The following RPAP2 variants were observed in gnomAD, a reference collection of about 807,000 sequenced individuals.
RPAP2 encodes the protein putative RNA polymerase II subunit B1 CTD phosphatase RPAP2.
In RPAP2, 52 loss-of-function variants were observed where a neutral mutation model predicts 73.1. That is an observed-to-expected ratio of 0.71 (90% CI 0.57 to 0.90). The LOEUF is 0.90. Ranked by LOEUF, RPAP2 falls within the 40% of genes least tolerant of loss-of-function variation. The probability of loss-of-function intolerance (pLI) is 0.00; values close to 1 mark genes in which losing one functional copy is unlikely to be tolerated. For missense variants in RPAP2, 598 were observed against 701.8 expected (o/e 0.85, Z 1.67); for synonymous variants, 225 against 242.1 (o/e 0.93, Z 0.65).
chr1:92,359,988 A>T (rs1283297177), intron 11 of RPAP2, among the ~76,000 whole-genome samples: 1 of 51,386 alleles, frequency 1.9e-5, no homozygotes, highest in African/African-American at 1.3e-4. Context: ...TGATTCTCAC[A>T]ATTCAGTCTG....
chr1:92,364,285 G>A (rs751946171), intron 11 of RPAP2, among the ~76,000 whole-genome samples: 1 of 152,130 alleles, frequency 6.6e-6, no homozygotes, highest in African/African-American at 2.4e-5. Flanking sequence ...ATCTCAGGGT[G>A]TAGGTTTTGC....
chr1:92,321,321 CA>C (rs1400862741), intron 7 of RPAP2, among the ~76,000 whole-genome samples: 4 of 152,104 alleles, frequency 2.6e-5, no homozygotes, highest in Non-Finnish European at 5.9e-5. Context: ...TTTGAGCTTA[CA>C]CCTATTTTTA....
At position 92,324,100 on chromosome 1, in the gene RPAP2, G is replaced by C; in HGVS notation, c.1180G>C (p.Val394Leu). 1 of 1,614,172 alleles carries C rather than the reference G, an allele frequency of 6.2e-7. No individual in the cohort carries two copies. Among genetic ancestry groups the C allele is most frequent in the Non-Finnish European group, 8.5e-7 (1 of 1,180,016 alleles). The change falls in exon 8 of 13, where the codon GTG becomes CTG. Residue 394 changes from valine (V) to leucine (L), a missense_variant. This residue lies in a region of RPAP2 where 506 missense variants were observed against 612.8 expected (regional missense o/e 0.83). Transcript: ENST00000610020. ...RFLYGQNYAS[V>L]CLKPEASLVK... ...TTTGTATGGCCAGAATTATGCTTCT[G>C]TGTGTCTGAAACCCGAAGCCTCTCT... is the stretch of plus-strand genomic sequence containing the variant.
rs1251872507 is a variant in RPAP2, at chr1:92,392,994, T to C, written c.*5983T>C. ...GGAAAAAACTACTTTAAGATTCATATGGAACCAAAAAAGAGCCCACCTAGC... is the reference window on the plus strand; with the variant it reads ...GGAAAAAACTACTTTAAGATTCATACGGAACCAAAAAAGAGCCCACCTAGC... On this transcript the variant is annotated 3_prime_UTR_variant, in exon 13 of 13. Transcript: ENST00000610020. 1 of 152,176 alleles carries C rather than the reference T, an allele frequency of 6.6e-6. No homozygotes were observed. Among genetic ancestry groups the C allele is most frequent in the African/African-American group, 2.4e-5 (1 of 41,432 alleles). 9.4% of individuals were successfully genotyped at this position (152,176 alleles called of 1,614,324 possible). A position where few individuals can be genotyped will look rare whatever the true frequency, so the allele number is the denominator to read the frequency against.
chr1:92,350,706 G>A (rs762580652), intron 11 of RPAP2, among the ~76,000 whole-genome samples: 7 of 152,196 alleles, frequency 4.6e-5, no homozygotes, highest in South Asian at 2.1e-4. Flanking sequence ...CTGGGAGGCC[G>A]AGGCAGGCGG....
rs1380514091 is a variant in RPAP2 at position 92,301,465 on chromosome 1, T to C, written c.120-11T>C. The C allele has an allele frequency of 1.4e-6, 2 of 1,479,248 alleles. No homozygotes were observed. The highest frequency in any genetic ancestry group is 1.9e-6 in the Non-Finnish European group (2 of 1,074,356). 91.6% of individuals were successfully genotyped at this position (1,479,248 alleles called of 1,614,324 possible). A position where few individuals can be genotyped will look rare whatever the true frequency, so the allele number is the denominator to read the frequency against. On this transcript the variant is annotated splice_polypyrimidine_tract_variant and intron_variant, in intron 2 of 12. Transcript: ENST00000610020. ...CTTTTAAGTAGATTAAGTTTCTCTT[T>C]CAAATTTTAGGAAAGCTGAACTAGA...
intron 11 of RPAP2, among the ~76,000 whole-genome samples, chr1:92,353,166 T>G (rs1015734325): frequency 6.6e-6 from 1 of 152,218 alleles, no homozygotes; most frequent in Admixed American, 6.5e-5. Context: ...TGTACAGATT[T>G]TTTTGTGTGA....
chr1:92,338,435 T>C (rs1270462599), intron 10 of RPAP2, among the ~76,000 whole-genome samples: 1 of 152,202 alleles, frequency 6.6e-6, no homozygotes, highest in Non-Finnish European at 1.5e-5. Flanking sequence ...AGATACACTG[T>C]CTTATACCTA....
chr1:92,310,018 C>T (rs1050728874), intron 6 of RPAP2, among the ~76,000 whole-genome samples: 1 of 152,124 alleles, frequency 6.6e-6, no homozygotes, highest in African/African-American at 2.4e-5. Context: ...TAATCCAACC[C>T]CTTCATTAAG....
chr1:92,323,492 C>G lies in RPAP2; in HGVS notation c.572C>G (p.Thr191Arg), dbSNP rs1213605203. The change falls in exon 8 of 13, where the codon ACA becomes AGA. Residue 191 changes from threonine to arginine, a missense_variant. Physicochemically the swap from Thr to Arg is moderately conservative, Grantham distance 71. Around this residue, in one of 3 missense-constraint regions of RPAP2, gnomAD observed 506 missense variants for 612.8 expected, o/e 0.83. Coordinates refer to ENST00000610020, the MANE Select transcript of RPAP2 (RefSeq NM_024813.3). The part of the protein sequence containing the change: ...EVQLCSKAIK[T>R]SDIDNPSHFE... ...CAGTTATGCAGTAAAGCCATTAAAA[C>G]ATCAGATATCGACAATCCTAGCCAC... is the stretch of plus-strand genomic sequence containing the variant. 1 of 1,613,082 alleles carries G rather than the reference C, an allele frequency of 6.2e-7. No individual in the cohort carries two copies. Among genetic ancestry groups the G allele is most frequent in the Non-Finnish European group, 8.5e-7 (1 of 1,179,478 alleles).
chr1:92,399,924 A>G lies in RPAP2; in HGVS notation c.*12913A>G, dbSNP rs1421155158. 1 of 152,188 alleles carries G rather than the reference A, an allele frequency of 6.6e-6. No homozygotes were observed. Among genetic ancestry groups the G allele is most frequent in the Non-Finnish European group, 1.5e-5 (1 of 68,036 alleles). The allele number at this position is 152,188 out of a possible 1,614,324, so 9.4% of individuals were successfully genotyped here. ...GGCATCCAGATAAGATTTTCTTCGT[A>G]CAAAGAGTCTTGCTACTAGGAAAAA... On this transcript the variant is annotated 3_prime_UTR_variant, in exon 13 of 13. Transcript: ENST00000610020.
chr1:92,337,236 A>G (rs1653330563), intron 10 of RPAP2, among the ~76,000 whole-genome samples: 2 of 152,170 alleles, frequency 1.3e-5, no homozygotes, highest in Non-Finnish European at 2.9e-5. Flanking sequence ...TGTCAACAAT[A>G]GCAGTCAGAT....
chr1:92,337,176 T>C (rs945390798), intron 10 of RPAP2, among the ~76,000 whole-genome samples: 6 of 152,062 alleles, frequency 3.9e-5, no homozygotes, highest in Non-Finnish European at 7.4e-5. Flanking sequence ...GTGGAAGAAT[T>C]AATTCATCCA....
In RPAP2 at chr1:92,388,440, CCAG is replaced by C. The variant is rs1215324973; in HGVS notation, c.*1433_*1435del. ...TAGGAACAGCTCCAGTCTACAGCTC[CCAG>C]CAGGATGGACACAGAAGATGGGTGA... On this transcript the variant is annotated 3_prime_UTR_variant, in exon 13 of 13. Coordinates refer to ENST00000610020, the MANE Select transcript of RPAP2 (RefSeq NM_024813.3). The C allele has an allele frequency of 6.6e-6, 1 of 152,254 alleles. No homozygotes were observed. The highest frequency in any genetic ancestry group is 1.5e-5 in the Non-Finnish European group (1 of 68,122). 9.4% of individuals were successfully genotyped at this position (152,254 alleles called of 1,614,324 possible). A position where few individuals can be genotyped will look rare whatever the true frequency, so the allele number is the denominator to read the frequency against.
At chr1:92,368,589 TA>T (rs1443621540) in intron 11 of RPAP2, among the ~76,000 whole-genome samples, 2 of 152,218 alleles carry the variant, frequency 1.3e-5, no homozygotes, top group African/African-American at 4.8e-5. Flanking sequence ...TGTACAGCTC[TA>T]AATCCTTGGA....
chr1:92,304,851 A>G (rs1035225874), intron 5 of RPAP2, among the ~76,000 whole-genome samples: 2 of 152,198 alleles, frequency 1.3e-5, no homozygotes, highest in African/African-American at 4.8e-5. Flanking sequence ...ACACTATGGG[A>G]GATGCTGGTC....
chr1:92,347,332 T>C (rs892195505), intron 11 of RPAP2, among the ~76,000 whole-genome samples: 3 of 150,404 alleles, frequency 2.0e-5, no homozygotes, highest in Non-Finnish European at 4.4e-5. Flanking sequence ...AAAGAAAATA[T>C]CAGTATCTCT....
intron 11 of RPAP2, among the ~76,000 whole-genome samples, chr1:92,378,184 T>TATTC (rs751055550): frequency 0.056 from 8,487 of 151,612 alleles, 363 homozygotes; most frequent in African/African-American, 0.11. Context: ...CCACTTTATT[T>TATTC]ATTCATTCAT....
chr1:92,381,042 C>T (rs35970059), intron 12 of RPAP2, among the ~76,000 whole-genome samples, 169 bp downstream of exon 12: 1 of 152,198 alleles, frequency 6.6e-6, no homozygotes, highest in South Asian at 2.1e-4. Context: ...TCAGTCACTT[C>T]CTGTCTACTT....
Sources: allele counts gnomAD v4.1 joint callset (sites outside exome capture counted in the v4.1 genomes callset), GRCh38; gene constraint gnomAD v4.1.1; regional missense constraint gnomAD v4.1.1; transcripts MANE v1.5; gene names NCBI Gene and HGNC (gene_info 2026-07-23, HGNC 2026-07-21).